AKAP10: variants seen among roughly 807,000 people sequenced by gnomAD.
The protein encoded by AKAP10 is A-kinase anchoring protein 10.
AKAP10 carries 24 observed loss-of-function variants against 80.8 expected under a neutral mutation model. The observed-to-expected ratio is 0.30, with a 90% CI of 0.22 to 0.42. The LOEUF (loss-of-function observed/expected upper bound fraction) is 0.42. AKAP10 is among the 10% of genes least tolerant of loss of function. The pLI is 1.00. For synonymous variants in AKAP10, 291 were observed against 277.7 expected (o/e 1.05, Z -0.48); for missense variants, 661 against 794.9 (o/e 0.83, Z 2.03).
rs149425869 is a variant in AKAP10, at chr17:19,956,935, G to A, written c.877+1079C>T. ...AGGGAAGGAAGGAGGGAGGGAGGGAGGAAGGAAATAACATGCTGAAAACTT... is the reference window on the plus strand; with the variant it reads ...AGGGAAGGAAGGAGGGAGGGAGGGAAGAAGGAAATAACATGCTGAAAACTT... On this transcript the variant is annotated intron_variant, in intron 4 of 14. Coordinates refer to ENST00000225737, the MANE Select transcript of AKAP10 (RefSeq NM_007202.4). Among the ~76,000 whole-genome samples, 399 of 151,820 alleles carry A rather than the reference G, an allele frequency of 2.6e-3. 1 individual carries two copies. The highest frequency in any genetic ancestry group is 9.1e-3 in the African/African-American group (377 of 41,402).
intron 12 of AKAP10, among the ~76,000 whole-genome samples, chr17:19,915,337 A>G (rs192022202): frequency 6.6e-6 from 1 of 152,370 alleles, no homozygotes; most frequent in Non-Finnish European, 1.5e-5. Flanking sequence ...AAGATTAAAC[A>G]TTCTGTAGGA....
At chr17:19,909,386 G>T in intron 13 of AKAP10, 110 bp from the exon 14 acceptor site, 1 of 962,748 alleles carries the variant, frequency 1.0e-6, no homozygotes, top group Non-Finnish European at 1.5e-6. Flanking sequence ...CTACTTATTT[G>T]GATAAGAATT....
rs1454052556 is a variant in AKAP10 at position 19,958,563 on chromosome 17, A to T, written c.328T>A (p.Cys110Ser). 1.9e-6 allele frequency: 3 copies of T among 1,596,174 alleles called. No homozygotes were observed. Among genetic ancestry groups the T allele is most frequent in the Non-Finnish European group, 2.6e-6 (3 of 1,176,094 alleles). The stretch of plus-strand genomic sequence containing the variant: ...GTCTCTTGAGTCTGGTAGTCCAGAC[A>T]AGATCTGCCTAAAAGATAGAAGCAA... The part of the protein sequence containing the change: ...AAHFGDLGRS[C>S]LDYQTQETKS... The change falls in exon 4 of 15, where the codon TGT (cysteine) becomes AGT (serine). Residue 110 changes from cysteine to serine, a missense_variant. Coordinates refer to ENST00000225737, the MANE Select transcript of AKAP10 (RefSeq NM_007202.4).
intron 2 of AKAP10, among the ~76,000 whole-genome samples, chr17:19,963,796 C>T (rs1036590448): frequency 2.0e-5 from 3 of 151,232 alleles, no homozygotes; most frequent in South Asian, 2.1e-4. Context: ...CTTGGGAGAC[C>T]GAGGCAGGAG....
intron 12 of AKAP10, among the ~76,000 whole-genome samples, chr17:19,910,868 T>C (rs566296258): frequency 6.6e-6 from 1 of 152,198 alleles, no homozygotes; most frequent in Non-Finnish European, 1.5e-5. Context: ...CTAGGATGTA[T>C]AAGCCCACAT....
chr17:19,915,782 C>T (rs1289365377), intron 12 of AKAP10, among the ~76,000 whole-genome samples: 1 of 152,218 alleles, frequency 6.6e-6, no homozygotes, highest in Non-Finnish European at 1.5e-5. Context: ...CTTACTTAGA[C>T]TATGACTATG....
chr17:19,957,255 A>C (rs1172418589), intron 4 of AKAP10, among the ~76,000 whole-genome samples: 1 of 151,486 alleles, frequency 6.6e-6, no homozygotes, highest in African/African-American at 2.4e-5. Flanking sequence ...TAAATAAGAT[A>C]ATCAGTCCGG....
At chr17:19,932,104 A>G (rs1382047046) in intron 9 of AKAP10, 126 bp from the exon 10 acceptor site, 2 of 889,952 alleles carry the variant, frequency 2.2e-6, no homozygotes, top group Admixed American at 5.7e-5. Flanking sequence ...AAATGTTTTT[A>G]CTTCTTGTTG....
rs372546172 is a variant in AKAP10, at chr17:19,970,487, C to T, written c.89-2026G>A. On this transcript the variant is annotated intron_variant, in intron 1 of 14. Transcript: ENST00000225737. ...TAGACTTTAGAGTTCCTATGAATCACCACCTGACCCTTCCTTTCCCAGATA... is the reference window on the plus strand; with the variant it reads ...TAGACTTTAGAGTTCCTATGAATCATCACCTGACCCTTCCTTTCCCAGATA... Among the ~76,000 whole-genome samples the T allele has an allele frequency of 1.1e-4, 16 of 152,302 alleles. No individual in the cohort carries two copies. In the South Asian group the frequency reaches 1.9e-3, roughly 18 times the overall value.
chr17:19,906,992 C>CA (rs752479866), intron 14 of AKAP10, among the ~76,000 whole-genome samples: 2 of 151,496 alleles, frequency 1.3e-5, no homozygotes, highest in Non-Finnish European at 2.9e-5. Flanking sequence ...AAGAAAAACT[C>CA]AGCTAGTTCT....
At chr17:19,938,687 C>T (rs112736378) in intron 8 of AKAP10, among the ~76,000 whole-genome samples, 5 of 151,832 alleles carry the variant, frequency 3.3e-5, no homozygotes, top group Middle Eastern at 3.4e-3. Context: ...CCCAAGTTAC[C>T]CCTTTAGCAT....
At position 19,977,778 on chromosome 17, in the gene AKAP10, G is replaced by T; in HGVS notation, c.-99C>A. Reference sequence around the variant, plus strand: ...GTGGGCCCCACCGCCTCCTCGGGATGCCCAGGCAGCTCCAGCCGCCATATT... The same window carrying T: ...GTGGGCCCCACCGCCTCCTCGGGATTCCCAGGCAGCTCCAGCCGCCATATT... On this transcript the variant is annotated 5_prime_UTR_variant, in exon 1 of 15. Transcript: ENST00000225737. 1.5e-6 allele frequency: 1 copy of T among 679,556 alleles called. No homozygotes were observed. Among genetic ancestry groups the T allele is most frequent in the Non-Finnish European group, 2.1e-6 (1 of 482,302 alleles). The allele number at this position is 679,556 out of a possible 1,614,324, so 42.1% of individuals were successfully genotyped here.
chr17:19,947,751 T>C (rs2043151116), intron 4 of AKAP10, among the ~76,000 whole-genome samples: 1 of 152,192 alleles, frequency 6.6e-6, no homozygotes. Context: ...TACACCAAAA[T>C]AAACTCATAT....
At chr17:19,960,676 G>T (rs1484473448) in intron 3 of AKAP10, among the ~76,000 whole-genome samples, 1 of 152,140 alleles carries the variant, frequency 6.6e-6, no homozygotes, top group African/African-American at 2.4e-5. Context: ...TCATTTATCT[G>T]GGATAAATAC....
intron 1 of AKAP10, among the ~76,000 whole-genome samples, chr17:19,972,786 C>T (rs2043515442): frequency 6.6e-6 from 1 of 152,156 alleles, no homozygotes; most frequent in Non-Finnish European, 1.5e-5. Flanking sequence ...GTCAAATTTA[C>T]ACAACATGGA....
intron 14 of AKAP10, among the ~76,000 whole-genome samples, chr17:19,906,741 C>G (rs997693605): frequency 1.3e-5 from 2 of 152,128 alleles, no homozygotes; most frequent in Non-Finnish European, 2.9e-5. Context: ...GCTGAATGTC[C>G]AAGTACATCC....
chr17:19,914,553 G>A (rs776178644), intron 12 of AKAP10, among the ~76,000 whole-genome samples: 1 of 141,284 alleles, frequency 7.1e-6, no homozygotes. Context: ...GAGGTGAGAG[G>A]ATCATTTGAG....
chr17:19,919,549 T>C (rs1158813810), intron 12 of AKAP10, among the ~76,000 whole-genome samples: 2 of 151,826 alleles, frequency 1.3e-5, no homozygotes, highest in East Asian at 3.9e-4. Context: ...CCAGGTGTGG[T>C]GGTGCGCACT....
chr17:19,943,613 T>A (rs900856984), intron 5 of AKAP10, among the ~76,000 whole-genome samples: 1 of 152,224 alleles, frequency 6.6e-6, no homozygotes, highest in East Asian at 1.9e-4. Context: ...CTTTGTAATA[T>A]CCTTTATAAT....
Sources: allele counts gnomAD v4.1 joint callset (sites outside exome capture counted in the v4.1 genomes callset), GRCh38; gene constraint gnomAD v4.1.1; transcripts MANE v1.5; gene names NCBI Gene and HGNC (gene_info 2026-07-23, HGNC 2026-07-21).